The following SLFN14 variants were observed in gnomAD, a reference collection of about 807,000 sequenced individuals.
SLFN14 encodes schlafen family member 14, also known as protein SLFN14.
A neutral mutation model predicts 58.6 loss-of-function variants in SLFN14; 47 were observed. The ratio of observed to expected loss-of-function variants is 0.80; its 90% CI spans 0.64 to 1.02. SLFN14 has a LOEUF of 1.02. Among genes scored for constraint, SLFN14 ranks in the 50% least tolerant of loss-of-function variants. The pLI, the probability that SLFN14 is intolerant of heterozygous loss-of-function variation, is 0.00. For missense variants in SLFN14, 967 were observed against 1,078.4 expected (o/e 0.90, Z 1.45); for synonymous variants, 390 against 387.3 (o/e 1.01, Z -0.08).
Position 35,552,800 on chromosome 17 carries a change from C to T in SLFN14, c.1834G>A (p.Asp612Asn). ...TCTTTTGGTTTGCAGTGAAACAAGT[C>T]CTTAATTTTCTCCATGATCTTTATG... ...LAIKIMEKIK[D>N]LFHCKPKEIL... The change falls in exon 5 of 6, where the codon GAC becomes AAC. Residue 612 changes from aspartate to asparagine, a missense_variant. Physicochemically the swap from Asp to Asn is conservative, Grantham distance 23 (BLOSUM62 1). Transcript: ENST00000674182. 2 of 1,551,068 alleles carry T rather than the reference C, an allele frequency of 1.3e-6. No homozygotes were observed. Among genetic ancestry groups the T allele is most frequent in the Non-Finnish European group, 8.7e-7 (1 of 1,146,836 alleles).
chr17:35,552,367 T>C (rs1354308501), intron 5 of SLFN14, among the ~76,000 whole-genome samples: 1 of 152,058 alleles, frequency 6.6e-6, no homozygotes, highest in Non-Finnish European at 1.5e-5. Flanking sequence ...GCTTGCAACT[T>C]AGCTCACACC....
Position 35,549,028 on chromosome 17 carries a change from T to G in SLFN14, c.1950A>C (p.Gln650His). ...TGTGTTTAATCTTTAGAAACTCCCC[T>G]TGCATGAAAGTTTTCCTGGTCACAG... ...CQAVTRKTFM[Q>H]GEFLKIKHIV... Residue 650 changes from glutamine (Q) to histidine (H), a missense_variant, in exon 6 of 6, where the codon CAA becomes CAC. Transcript: ENST00000674182. 1.9e-6 allele frequency: 3 copies of G among 1,551,662 alleles called. No homozygotes were observed. The highest frequency in any genetic ancestry group is 2.6e-6 in the Non-Finnish European group (3 of 1,146,950).
intron 4 of SLFN14, among the ~76,000 whole-genome samples, 163 bp downstream of exon 4, chr17:35,554,413 T>TTA (rs1288635380): frequency 6.8e-6 from 1 of 147,006 alleles, no homozygotes; most frequent in Non-Finnish European, 1.5e-5. Context: ...CATATATATA[T>TTA]TATATATATA....
chr17:35,559,218 C>A (rs2072680673), intron 2 of SLFN14, among the ~76,000 whole-genome samples: 1 of 151,654 alleles, frequency 6.6e-6, no homozygotes, highest in African/African-American at 2.4e-5. Flanking sequence ...AGAGTGGGAA[C>A]CTGTCTAAAA....
At position 35,559,716 on chromosome 17, in the gene SLFN14, T is replaced by G. The variant is rs1322478361; in HGVS notation, c.-45+11A>C. Among the ~76,000 whole-genome samples, 2 of 152,178 alleles carry G rather than the reference T, an allele frequency of 1.3e-5. No homozygotes were observed. The highest frequency in any genetic ancestry group is 3.8e-4 in the East Asian group (2 of 5,196). ...CAAAGCAGGGGCCCTGTGGGCATTG[T>G]ATATACTCACCAAGAGGAAGAAAGC... On this transcript the variant is annotated intron_variant, in intron 2 of 5. Coordinates refer to ENST00000674182, the MANE Select transcript of SLFN14 (RefSeq NM_001129820.2).
rs1446480981 is a variant in SLFN14, at chr17:35,557,772, G to C, written c.291C>G (p.Asp97Glu). The C allele has an allele frequency of 1.3e-6, 2 of 1,551,736 alleles. No homozygotes were observed. The highest frequency in any genetic ancestry group is 2.4e-5 in the South Asian group (2 of 84,060). The change falls in exon 3 of 6, where the codon GAC (aspartate) becomes GAG (glutamate). Residue 97 changes from aspartate (D) to glutamate (E), a missense_variant. Physicochemically the swap from Asp to Glu is conservative, Grantham distance 45 (BLOSUM62 2). Transcript: ENST00000674182. ...GGAGATTGTGCCCCTGCTGCATGTA[G>C]TCAAGGTATTTCTGTGAACCTGAAG... ...LLPSGSQKYL[D>E]YMQQGHNLLI...
chr17:35,547,738 G>A lies in SLFN14; in HGVS notation c.*501C>T, dbSNP rs902162001. Among the ~76,000 whole-genome samples the A allele has an allele frequency of 6.6e-6, 1 of 152,154 alleles. No individual in the cohort carries two copies. Among genetic ancestry groups the A allele is most frequent in the African/African-American group, 2.4e-5 (1 of 41,446 alleles). On this transcript the variant is annotated 3_prime_UTR_variant, in exon 6 of 6. Transcript: ENST00000674182. ...GAGACCTATGCAGTCAAAGTAACCA[G>A]CCTGGAGGGCACCATACCACCACCC...
chr17:35,558,094 A>G lies in SLFN14; in HGVS notation c.-32T>C. The G allele has an allele frequency of 1.3e-6, 2 of 1,509,414 alleles. No homozygotes were observed. Among genetic ancestry groups the G allele is most frequent in the Non-Finnish European group, 1.8e-6 (2 of 1,120,670 alleles). The allele number at this position is 1,509,414 out of a possible 1,614,324, so 93.5% of individuals were successfully genotyped here. A position where few individuals can be genotyped will look rare whatever the true frequency, so the allele number is the denominator to read the frequency against. ...AGCCCCTCTGTGCTCCAAACAATAAAAGAAAGGAGTTCCTATAATCAGGAC... is the reference window on the plus strand; with the variant it reads ...AGCCCCTCTGTGCTCCAAACAATAAGAGAAAGGAGTTCCTATAATCAGGAC... On this transcript the variant is annotated 5_prime_UTR_variant, in exon 3 of 6. Transcript: ENST00000674182.
chr17:35,557,172 C>T lies in SLFN14; in HGVS notation c.891G>A (p.Leu297=). Residue 297 remains leucine, a synonymous_variant, in exon 3 of 6, where the codon CTG becomes CTA. Coordinates refer to ENST00000674182, the MANE Select transcript of SLFN14 (RefSeq NM_001129820.2). ...CCAGGACATCTTTTTGGTACACATT[C>T]AGGATTTTTGTAGTGAAATTTACCT... The part of the protein sequence containing the change: ...KPKVNFTTKI[L]NVYQKDVLDG... The T allele has an allele frequency of 6.4e-7, 1 of 1,551,694 alleles. No homozygotes were observed. Among genetic ancestry groups the T allele is most frequent in the Admixed American group, 2.0e-5 (1 of 51,004 alleles).
At chr17:35,555,284 A>G (rs892178294) in intron 3 of SLFN14, among the ~76,000 whole-genome samples, 1 of 151,948 alleles carries the variant, frequency 6.6e-6, no homozygotes, top group Non-Finnish European at 1.5e-5. Context: ...AGGCAGGAGA[A>G]TGGGGTGAAC....
chr17:35,548,672 G>T lies in SLFN14; in HGVS notation c.2306C>A (p.Ala769Asp), dbSNP rs1348656454. The T allele has an allele frequency of 6.4e-7, 1 of 1,551,752 alleles. No individual in the cohort carries two copies. Among genetic ancestry groups the T allele is most frequent in the South Asian group, 1.2e-5 (1 of 84,066 alleles). The change falls in exon 6 of 6, where the codon GCC becomes GAC. Residue 769 changes from alanine (A) to aspartate (D), a missense_variant. Physicochemically the swap from Ala to Asp is moderately radical, Grantham distance 126. Coordinates refer to ENST00000674182, the MANE Select transcript of SLFN14 (RefSeq NM_001129820.2). ...CTGGGCACACGTTGCTTCCTCATAG[G>T]CAGTCTCGCTGAACAATGCTAATGT... ...PDTLALFSET[A>D]YEEATCAQAL...
At position 35,553,371 on chromosome 17, in the gene SLFN14, C is replaced by T. The variant is rs1166981435; in HGVS notation, c.1263G>A (p.Glu421=). The change falls in exon 5 of 6, where the codon GAG becomes GAA. Residue 421 remains glutamate, a synonymous_variant. Coordinates refer to ENST00000674182, the MANE Select transcript of SLFN14 (RefSeq NM_001129820.2). The part of the protein sequence containing the change: ...KKLFSDHKEL[E]GLMKTLIHPC... ...GATGTATCAGGGTCTTCATTAAACCCTCCAGTTCTTTATGATCTGAGAACA... is the reference window on the plus strand; with the variant it reads ...GATGTATCAGGGTCTTCATTAAACCTTCCAGTTCTTTATGATCTGAGAACA... 16 of 1,551,522 alleles carry T rather than the reference C, an allele frequency of 1.0e-5. No individual in the cohort carries two copies. Among genetic ancestry groups the T allele is most frequent in the Non-Finnish European group, 7.0e-6 (8 of 1,147,000 alleles).
In SLFN14 at chr17:35,557,196, C is replaced by T; in HGVS notation, c.867G>A (p.Lys289=). The change falls in exon 3 of 6, where the codon AAG becomes AAA. Residue 289 remains lysine (K), a synonymous_variant. Transcript: ENST00000674182. ...TCAGGATTTTTGTAGTGAAATTTAC[C>T]TTTGGCTTCTCACAGCAGAAGTGGA... ...PTFHFCCEKP[K]VNFTTKILNV... is the part of the protein sequence containing the mutation. 6.4e-7 allele frequency: 1 copy of T among 1,551,690 alleles called. No homozygotes were observed. Among genetic ancestry groups the T allele is most frequent in the Non-Finnish European group, 8.7e-7 (1 of 1,146,992 alleles).
intron 5 of SLFN14, among the ~76,000 whole-genome samples, chr17:35,551,374 T>C (rs1395297771): frequency 2.6e-5 from 4 of 152,206 alleles, no homozygotes; most frequent in African/African-American, 9.7e-5. Flanking sequence ...CTGTGGTACC[T>C]CAGCCTATCG....
In SLFN14 at chr17:35,559,812, G is replaced by A. The variant is rs186031614; in HGVS notation, c.-123-7C>T. Among the ~76,000 whole-genome samples the A allele has an allele frequency of 1.3e-5, 2 of 152,246 alleles. No individual in the cohort carries two copies. Among genetic ancestry groups the A allele is most frequent in the East Asian group, 1.9e-4 (1 of 5,176 alleles). On this transcript the variant is annotated splice_region_variant and splice_polypyrimidine_tract_variant and intron_variant, in intron 1 of 5. Transcript: ENST00000674182. ...TTGGTTGCCTTCTCACTTCCTTCAGGAAAACCAGAATCAACCTGGGGAATT... is the reference window on the plus strand; with the variant it reads ...TTGGTTGCCTTCTCACTTCCTTCAGAAAAACCAGAATCAACCTGGGGAATT...
chr17:35,545,091 C>A lies in SLFN14; in HGVS notation c.*3148G>T, dbSNP rs773175684. Among the ~76,000 whole-genome samples the A allele has an allele frequency of 6.6e-6, 1 of 152,168 alleles. No individual in the cohort carries two copies. The highest frequency in any genetic ancestry group is 1.5e-5 in the Non-Finnish European group (1 of 68,016). On this transcript the variant is annotated 3_prime_UTR_variant, in exon 6 of 6. Coordinates refer to ENST00000674182, the MANE Select transcript of SLFN14 (RefSeq NM_001129820.2). ...TAATCTTACATTTGAATCTAATGAA[C>A]TATCATCATAGATCCTTAATTTGAC...
At chr17:35,549,856 C>T (rs1486837812) in intron 5 of SLFN14, among the ~76,000 whole-genome samples, 6 of 152,146 alleles carry the variant, frequency 3.9e-5, no homozygotes, top group Non-Finnish European at 5.9e-5. Context: ...ACTGTGTGGA[C>T]TCAAATAAAA....
intron 5 of SLFN14, among the ~76,000 whole-genome samples, chr17:35,551,275 TTGTG>T (rs2072583584): frequency 6.6e-6 from 1 of 152,112 alleles, no homozygotes; most frequent in Non-Finnish European, 1.5e-5. Context: ...AAATATATTT[TTGTG>T]TGTGTGTGCA....
chr17:35,549,187 A>G (rs1416141990), intron 5 of SLFN14, 114 bp from the exon 6 acceptor site: 4 of 820,108 alleles, frequency 4.9e-6, no homozygotes, highest in Non-Finnish European at 7.6e-6. Flanking sequence ...TGAGTCATTG[A>G]TTCAGTAGTG....
Sources: gnomAD v4.1 joint callset for allele counts (sites outside exome capture counted in the v4.1 genomes callset) on GRCh38, gnomAD v4.1.1 for gene constraint, MANE v1.5 for transcripts, NCBI Gene and HGNC (gene_info 2026-07-23, HGNC 2026-07-21) for gene names.